NOS1: variants seen among roughly 807,000 people sequenced by gnomAD.
The protein encoded by NOS1 is NOS type I.
In NOS1, 51 loss-of-function variants were observed where a neutral mutation model predicts 164.5. That is an observed-to-expected ratio of 0.31 (90% CI 0.25 to 0.39). The LOEUF (loss-of-function observed/expected upper bound fraction) is 0.39, where lower values mean the gene tolerates loss of function less well. Ranked by LOEUF, NOS1 falls within the 10% of genes least tolerant of loss-of-function variation. The pLI is 1.00. For synonymous variants in NOS1, 719 were observed against 745.8 expected (o/e 0.96, Z 0.59); for missense variants, 1,362 against 1,885.6 (o/e 0.72, Z 5.14).
chr12:117,219,498 G>T (rs767013812), intron 27 of NOS1, among the ~76,000 whole-genome samples: 3 of 150,336 alleles, frequency 2.0e-5, no homozygotes, highest in African/African-American at 5.0e-5. Context: ...GAAGAGACAG[G>T]GTTTCACTAT....
chr12:117,230,038 G>T (rs1869079085), intron 22 of NOS1, among the ~76,000 whole-genome samples: 1 of 152,320 alleles, frequency 6.6e-6, no homozygotes, highest in Middle Eastern at 3.4e-3. Context: ...TCCCACCTTA[G>T]CCTCCTGAGG....
chr12:117,277,566 C>T (rs540000540), intron 9 of NOS1, among the ~76,000 whole-genome samples: 44 of 151,922 alleles, frequency 2.9e-4, no homozygotes, highest in Non-Finnish European at 5.6e-4. Context: ...TGCACTCCAG[C>T]CTGGGCAACA....
chr12:117,231,817 G>T, intron 22 of NOS1, 145 bp downstream of exon 22: 1 of 862,174 alleles, frequency 1.2e-6, no homozygotes, highest in Non-Finnish European at 1.8e-6. Flanking sequence ...CGTTGGACCA[G>T]CCAATATGGC....
chr12:117,262,354 G>A (rs1871975620), intron 13 of NOS1, among the ~76,000 whole-genome samples: 2 of 151,360 alleles, frequency 1.3e-5, no homozygotes, highest in African/African-American at 2.4e-5. Context: ...TTAGGGAAAT[G>A]GTGGCTGCTG....
At chr12:117,269,032 T>C (rs1302637607) in intron 10 of NOS1, among the ~76,000 whole-genome samples, 3 of 152,164 alleles carry the variant, frequency 2.0e-5, no homozygotes, top group African/African-American at 7.2e-5. Context: ...TTACTAATCT[T>C]GTGTTCTAAT....
At chr12:117,301,669 T>C (rs1873821572) in intron 3 of NOS1, among the ~76,000 whole-genome samples, 1 of 152,202 alleles carries the variant, frequency 6.6e-6, no homozygotes, top group South Asian at 2.1e-4. Context: ...CTCTTTTCTC[T>C]GTGTGTTTCC....
At chr12:117,237,911 T>C (rs924592245) in intron 20 of NOS1, among the ~76,000 whole-genome samples, 1 of 151,912 alleles carries the variant, frequency 6.6e-6, no homozygotes, top group African/African-American at 2.4e-5. Context: ...GGTGATGGGT[T>C]GAGGGGAGCA....
intron 1 of NOS1, among the ~76,000 whole-genome samples, chr12:117,340,009 A>C (rs905882781): frequency 9.9e-5 from 15 of 152,062 alleles, no homozygotes; most frequent in African/African-American, 2.4e-5. Context: ...GCTATTCTTT[A>C]TTTATTTATT....
Position 117,259,140 on chromosome 12 carries a change from C to G in NOS1, c.2368-10G>C. Reference sequence around the variant, plus strand: ...CTTCCATGGACATCACCTAGGTGGGCAGGGCACAGGTATAGGATGGGGAGA... The same window carrying G: ...CTTCCATGGACATCACCTAGGTGGGGAGGGCACAGGTATAGGATGGGGAGA... On this transcript the variant is annotated splice_polypyrimidine_tract_variant and intron_variant, in intron 14 of 28. Coordinates refer to ENST00000317775, the MANE Select transcript of NOS1 (RefSeq NM_000620.5). 7 of 1,585,852 alleles carry G rather than the reference C, an allele frequency of 4.4e-6. No individual in the cohort carries two copies. Among genetic ancestry groups the G allele is most frequent in the Non-Finnish European group, 6.1e-6 (7 of 1,154,708 alleles).
intron 2 of NOS1, among the ~76,000 whole-genome samples, chr12:117,323,287 C>G (rs1167963021): frequency 1.3e-5 from 2 of 152,244 alleles, no homozygotes; most frequent in Non-Finnish European, 2.9e-5. Flanking sequence ...CCTGCATTCG[C>G]TACAACAGGC....
At chr12:117,236,311 G>T (rs1384219128) in intron 20 of NOS1, among the ~76,000 whole-genome samples, 1 of 152,026 alleles carries the variant, frequency 6.6e-6, no homozygotes, top group African/African-American at 2.4e-5. Flanking sequence ...AATGGGACTC[G>T]CTATTTAAAG....
chr12:117,322,150 TTCCC>T (rs1874973859), intron 2 of NOS1, among the ~76,000 whole-genome samples: 1 of 121,026 alleles, frequency 8.3e-6, no homozygotes, highest in Admixed American at 8.7e-5. Context: ...TTTTCCTTCC[TTCCC>T]TCCCTCCTTC....
At chr12:117,241,839 A>C (rs778969852) in intron 20 of NOS1, among the ~76,000 whole-genome samples, 2 of 152,188 alleles carry the variant, frequency 1.3e-5, no homozygotes, top group Non-Finnish European at 2.9e-5. Flanking sequence ...ACCTCAGCAT[A>C]TTTGGCAGTG....
intron 1 of NOS1, among the ~76,000 whole-genome samples, chr12:117,353,574 G>C (rs1876729272): frequency 6.6e-6 from 1 of 151,958 alleles, no homozygotes; most frequent in African/African-American, 2.4e-5. Context: ...CAAGTCATAA[G>C]TCTCATCCCT....
At chr12:117,280,983 G>T in intron 7 of NOS1, 117 bp from the exon 8 acceptor site, 1 of 1,171,812 alleles carries the variant, frequency 8.5e-7, no homozygotes. Context: ...GATTACCTCC[G>T]TGCCAAGGTC....
chr12:117,260,685 C>A, intron 13 of NOS1, 76 bp from the exon 14 acceptor site: 1 of 1,494,030 alleles, frequency 6.7e-7, no homozygotes, highest in Non-Finnish European at 9.2e-7. Flanking sequence ...GACTTTCGTG[C>A]AAGAACCAGG....
At chr12:117,301,021 T>C (rs1217748261) in intron 3 of NOS1, among the ~76,000 whole-genome samples, 1 of 152,188 alleles carries the variant, frequency 6.6e-6, no homozygotes, top group Non-Finnish European at 1.5e-5. Context: ...TGTGTGTATT[T>C]CCATCTGTAG....
chr12:117,295,615 C>CT (rs33913257), intron 3 of NOS1, among the ~76,000 whole-genome samples: 15,063 of 105,078 alleles, frequency 0.14, 1,581 homozygotes, highest in East Asian at 0.42. Flanking sequence ...CCTGATCATT[C>CT]TTTTTTTTTT....
chr12:117,289,561 G>A (rs1872912820), intron 4 of NOS1, among the ~76,000 whole-genome samples: 3 of 152,228 alleles, frequency 2.0e-5, no homozygotes, highest in South Asian at 2.1e-4. Context: ...CGTGCAGAAC[G>A]TGCAGGTTTG....
Sources: gnomAD v4.1 joint callset for allele counts (sites outside exome capture counted in the v4.1 genomes callset) on GRCh38, gnomAD v4.1.1 for gene constraint, MANE v1.5 for transcripts, NCBI Gene and HGNC (gene_info 2026-07-23, HGNC 2026-07-21) for gene names.